Variants in CLMN observed in about 807,000 individuals in gnomAD.
CLMN encodes calmin (calponin-like, transmembrane).
In CLMN, 57 loss-of-function variants were observed where a neutral mutation model predicts 92.7. The ratio of observed to expected loss-of-function variants is 0.61; its 90% CI spans 0.50 to 0.77. The LOEUF (loss-of-function observed/expected upper bound fraction) is 0.77, where lower values mean the gene tolerates loss of function less well. CLMN is among the 30% of genes least tolerant of loss of function. The pLI, the probability that CLMN is intolerant of heterozygous loss-of-function variation, is 0.00. For synonymous variants in CLMN, 466 were observed against 470.6 expected (o/e 0.99, Z 0.13); for missense variants, 1,158 against 1,237.5 (o/e 0.94, Z 0.96).
intron 1 of CLMN, among the ~76,000 whole-genome samples, chr14:95,266,006 A>T (rs1899458635): frequency 6.6e-6 from 1 of 152,160 alleles, no homozygotes; most frequent in African/African-American, 2.4e-5. Flanking sequence ...GGATGGGACC[A>T]CCCCACCTGG....
chr14:95,205,614 T>C (rs1378413204), intron 8 of CLMN, among the ~76,000 whole-genome samples: 1 of 152,144 alleles, frequency 6.6e-6, no homozygotes, highest in Non-Finnish European at 1.5e-5. Flanking sequence ...GATTAAAACA[T>C]ATGCAGAAGT....
rs538111864 is a variant in CLMN, at chr14:95,191,817, G to C, written c.2841-85C>G. The stretch of plus-strand genomic sequence containing the variant: ...CACCCAGTGCTACCCGTCTCTCCCC[G>C]GCCCCCACTCCCCGCCTGAAGACCC... On this transcript the variant is annotated intron_variant, in intron 12 of 12. Coordinates refer to ENST00000298912, the MANE Select transcript of CLMN (RefSeq NM_024734.4). This position sits in a 1 kb window ranked among gnomAD's most constrained non-coding sequence, Gnocchi z 5.3. The C allele has an allele frequency of 1.5e-6, 2 of 1,354,010 alleles. No individual in the cohort carries two copies. The allele number at this position is 1,354,010 out of a possible 1,614,324, so 83.9% of individuals were successfully genotyped here.
In CLMN at chr14:95,242,153, G is replaced by GA. The variant is rs113794731; in HGVS notation, c.83-12021dup. Among the ~76,000 whole-genome samples the GA allele has an allele frequency of 7.6e-4, 109 of 142,804 alleles. 1 individual carries two copies. In the South Asian group the frequency reaches 0.015, roughly 19 times the overall value. The allele number at this position is 142,804 out of a possible 152,430, so 93.7% of individuals were successfully genotyped here. On this transcript the variant is annotated intron_variant, in intron 1 of 12. Transcript: ENST00000298912. ...ACATGATGGTCATCTGGGGAAATTT[G>GA]AAAAAAAAAAATTGAGGTGCCTGGG...
In CLMN at chr14:95,267,409, C is replaced by T. The variant is rs372289927; in HGVS notation, c.83-37276G>A. On this transcript the variant is annotated intron_variant, in intron 1 of 12. Transcript: ENST00000298912. ...CATTTCTTAAGAGAATACATACAAA[C>T]GGCCAACAGGCATATGAATAAAGTG... is the stretch of plus-strand genomic sequence containing the variant. Among the ~76,000 whole-genome samples the T allele has an allele frequency of 7.2e-5, 11 of 152,288 alleles. No individual in the cohort carries two copies. In the South Asian group the frequency reaches 8.3e-4, roughly 11 times the overall value.
At chr14:95,224,009 C>T (rs899801376) in intron 2 of CLMN, among the ~76,000 whole-genome samples, 154 bp from the exon 3 acceptor site, 2 of 152,206 alleles carry the variant, frequency 1.3e-5, no homozygotes, top group Non-Finnish European at 2.9e-5. Flanking sequence ...GCAGGCCCAT[C>T]CCCCTGGAAG....
At chr14:95,251,143 G>A (rs774737616) in intron 1 of CLMN, among the ~76,000 whole-genome samples, 4 of 152,188 alleles carry the variant, frequency 2.6e-5, no homozygotes, top group Non-Finnish European at 5.9e-5. Context: ...TCATGTGTGT[G>A]TGTAATGGGG....
At chr14:95,290,955 GC>G (rs1255581692) in intron 1 of CLMN, among the ~76,000 whole-genome samples, 2 of 152,190 alleles carry the variant, frequency 1.3e-5, no homozygotes, top group Admixed American at 6.5e-5. Context: ...TGTGCTTGCA[GC>G]AGAGATGACA....
At chr14:95,245,577 T>TG (rs1362704099) in intron 1 of CLMN, among the ~76,000 whole-genome samples, 18 of 138,236 alleles carry the variant, frequency 1.3e-4, no homozygotes, top group Admixed American at 1.3e-3. Flanking sequence ...GATGGATGAA[T>TG]GGATGGGTGG....
intron 1 of CLMN, among the ~76,000 whole-genome samples, chr14:95,276,401 T>C (rs994500113): frequency 2.0e-5 from 3 of 152,144 alleles, no homozygotes; most frequent in African/African-American, 7.2e-5. Flanking sequence ...CTGTGGGTGA[T>C]AGGATTAGGT....
At chr14:95,236,974 C>T (rs1898076788) in intron 1 of CLMN, among the ~76,000 whole-genome samples, 1 of 152,184 alleles carries the variant, frequency 6.6e-6, no homozygotes, top group Non-Finnish European at 1.5e-5. Context: ...GGAAGAACAG[C>T]TATGACGAGG....
At chr14:95,271,190 T>A (rs948613948) in intron 1 of CLMN, among the ~76,000 whole-genome samples, 1 of 152,370 alleles carries the variant, frequency 6.6e-6, no homozygotes, top group Admixed American at 6.5e-5. Flanking sequence ...GAGTTCTTTA[T>A]TCATTGTGGA....
In CLMN at chr14:95,230,080, G is replaced by A; in HGVS notation, c.136C>T (p.Leu46=). The stretch of plus-strand genomic sequence containing the variant: ...CCCAAGTGCGCCATTACCTTTTCTA[G>A]ATGTAGATTTATCCATCGTGTAAAG... ...RTFTRWINLH[L]EKCNPPLEVK... The change falls in exon 2 of 13, where the codon CTA becomes TTA. Residue 46 remains leucine (L), a synonymous_variant. Coordinates refer to ENST00000298912, the MANE Select transcript of CLMN (RefSeq NM_024734.4). 6.2e-7 allele frequency: 1 copy of A among 1,614,158 alleles called. No homozygotes were observed. The highest frequency in any genetic ancestry group is 2.2e-5 in the East Asian group (1 of 44,892).
At chr14:95,257,499 C>A in intron 1 of CLMN, among the ~76,000 whole-genome samples, 1 of 152,214 alleles carries the variant, frequency 6.6e-6, no homozygotes, top group East Asian at 1.9e-4. Flanking sequence ...AAATTAAACT[C>A]TTTCAATTAA....
In CLMN at chr14:95,221,761, T is replaced by G. The variant is rs768555181; in HGVS notation, c.254A>C (p.Lys85Thr). ...LSGRNLLHEYKSSSHRIFRLN... is the reference protein window; with the variant it reads ...LSGRNLLHEYTSSSHRIFRLN... The stretch of plus-strand genomic sequence containing the variant: ...CCGAAAAATACGATGCGACGAGGAT[T>G]TGTATTCGTGCAGCTATAAAACAGA... Residue 85 changes from lysine (K) to threonine (T), a missense_variant, in exon 4 of 13, where the codon AAA becomes ACA. Transcript: ENST00000298912. 1.6e-5 allele frequency: 26 copies of G among 1,614,196 alleles called. No homozygotes were observed. Among genetic ancestry groups the G allele is most frequent in the East Asian group, 2.2e-5 (1 of 44,884 alleles).
Position 95,245,925 on chromosome 14 carries a change from T to C in CLMN, c.83-15792A>G, listed in dbSNP as rs531285853. ...ATGAATGGATGGATGGATGGATGGA[T>C]GGATGGATGGATGGAAAGCCCACTC... On this transcript the variant is annotated intron_variant, in intron 1 of 12. Coordinates refer to ENST00000298912, the MANE Select transcript of CLMN (RefSeq NM_024734.4). Among the ~76,000 whole-genome samples, 795 of 151,864 alleles carry C rather than the reference T, an allele frequency of 5.2e-3. 15 individuals carry two copies. Among genetic ancestry groups the C allele is most frequent in the African/African-American group, 0.019 (767 of 41,414 alleles).
chr14:95,195,902 G>C (rs1301962778), intron 10 of CLMN, among the ~76,000 whole-genome samples: 1 of 152,188 alleles, frequency 6.6e-6, no homozygotes, highest in Non-Finnish European at 1.5e-5. Flanking sequence ...TGGAGTGACA[G>C]AGCAGAGGTG....
In CLMN at chr14:95,256,989, A is replaced by G. The variant is rs114960221; in HGVS notation, c.83-26856T>C. ...GAATGATGTGTTCTGAGACTGGTTA[A>G]GCCCACGCTCCTTGACAGACAGGAG... On this transcript the variant is annotated intron_variant, in intron 1 of 12. Coordinates refer to ENST00000298912, the MANE Select transcript of CLMN (RefSeq NM_024734.4). This position sits in a 1 kb window ranked among gnomAD's most constrained non-coding sequence, Gnocchi z 4.9. 9.4e-4 allele frequency among the ~76,000 whole-genome samples: 143 copies of G among 152,352 alleles called. No individual in the cohort carries two copies. Among genetic ancestry groups the G allele is most frequent in the African/African-American group, 3.2e-3 (132 of 41,576 alleles).
At chr14:95,193,106 C>T (rs1896600118) in intron 12 of CLMN, 1 of 514,636 alleles carries the variant, frequency 1.9e-6, no homozygotes, top group Non-Finnish European at 3.4e-6. Flanking sequence ...AATCTAAATC[C>T]TTCCAAGCCA....
intron 2 of CLMN, among the ~76,000 whole-genome samples, chr14:95,226,867 C>T (rs1897727727): frequency 6.6e-6 from 1 of 152,214 alleles, no homozygotes; most frequent in Non-Finnish European, 1.5e-5. Flanking sequence ...GCGTGAGCCA[C>T]CATGACCGGC....
Sources: gnomAD v4.1 joint callset for allele counts (sites outside exome capture counted in the v4.1 genomes callset) on GRCh38, gnomAD v4.1.1 for gene constraint, Gnocchi (gnomAD v3.1) non-coding constraint, MANE v1.5 for transcripts, NCBI Gene and HGNC (gene_info 2026-07-23, HGNC 2026-07-21) for gene names.